The following AK5 variants were observed in gnomAD, a reference collection of about 807,000 sequenced individuals.
AK5 encodes adenylate kinase 5, also known as adenylate kinase isoenzyme 5.
AK5 carries 27 observed loss-of-function variants against 69.5 expected under a neutral mutation model. The observed-to-expected ratio is 0.39, with a 90% CI of 0.29 to 0.54. The LOEUF (loss-of-function observed/expected upper bound fraction) is 0.54. AK5 is among the 20% of genes least tolerant of loss of function. The pLI, the probability that AK5 is intolerant of heterozygous loss-of-function variation, is 0.71. For synonymous variants in AK5, 260 were observed against 244.4 expected (o/e 1.06, Z -0.60); for missense variants, 531 against 700.4 (o/e 0.76, Z 2.73).
At chr1:77,282,667 G>A (rs1315409602) in intron 1 of AK5, 4 of 1,167,282 alleles carry the variant, frequency 3.4e-6, no homozygotes, top group Non-Finnish European at 4.2e-6. Context: ...GACACCCAGG[G>A]TGGGCTGCAG....
At position 77,559,319 on chromosome 1, in the gene AK5, C is replaced by T. The variant is rs1557675188; in HGVS notation, c.*649C>T. The T allele has an allele frequency of 6.6e-6, 1 of 151,858 alleles. No individual in the cohort carries two copies. Among genetic ancestry groups the T allele is most frequent in the East Asian group, 1.9e-4 (1 of 5,206 alleles). The allele number at this position is 151,858 out of a possible 1,614,324, so 9.4% of individuals were successfully genotyped here. A position where few individuals can be genotyped will look rare whatever the true frequency, so the allele number is the denominator to read the frequency against. ...TAAAACCCAGGTTAGTCATCAGTAA[C>T]CTTCTCTATTATTATTATTTTTTAG... On this transcript the variant is annotated 3_prime_UTR_variant, in exon 14 of 14. Transcript: ENST00000354567.
At chr1:77,545,332 G>C (rs924861168) in intron 13 of AK5, among the ~76,000 whole-genome samples, 2 of 151,972 alleles carry the variant, frequency 1.3e-5, no homozygotes, top group Admixed American at 1.3e-4. Context: ...CACAACCATG[G>C]TGGGGGAGGG....
Position 77,427,293 on chromosome 1 carries a change from A to T in AK5, c.1059+9578A>T, listed in dbSNP as rs1394751310. ...AGGAAAAAATAGAGAAACACAAATTATTATCAGAAATAGAAGATGGGAAAT... is the reference window on the plus strand; with the variant it reads ...AGGAAAAAATAGAGAAACACAAATTTTTATCAGAAATAGAAGATGGGAAAT... On this transcript the variant is annotated intron_variant, in intron 8 of 13. Transcript: ENST00000354567. Among the ~76,000 whole-genome samples the T allele has an allele frequency of 2.0e-5, 3 of 152,118 alleles. No homozygotes were observed. In the East Asian group the frequency reaches 5.8e-4, roughly 29 times the overall value.
intron 12 of AK5, among the ~76,000 whole-genome samples, chr1:77,530,732 C>G (rs1658528005): frequency 1.3e-5 from 2 of 152,092 alleles, no homozygotes; most frequent in Admixed American, 1.3e-4. Flanking sequence ...AATGAGGAAA[C>G]TGAGGCATAC....
At chr1:77,387,157 T>C (rs1036516947) in intron 6 of AK5, among the ~76,000 whole-genome samples, 2 of 152,210 alleles carry the variant, frequency 1.3e-5, no homozygotes, top group Non-Finnish European at 1.5e-5. Flanking sequence ...CTGAATGTTT[T>C]TGAGCAAGAT....
At chr1:77,376,433 CAAAAAAAAAAAAAAAAACA>C (rs1647244333) in intron 6 of AK5, among the ~76,000 whole-genome samples, 1 of 13,434 alleles carries the variant, frequency 7.4e-5, no homozygotes, top group Admixed American at 1.2e-3. Context: ...CACTCAATGC[CAAAAAAAAAAAAAAAAACA>C]AAAAAAAAAA....
At chr1:77,399,001 AT>A (rs1219054174) in intron 6 of AK5, among the ~76,000 whole-genome samples, 7 of 152,274 alleles carry the variant, frequency 4.6e-5, no homozygotes, top group Non-Finnish European at 1.0e-4. Flanking sequence ...GCAACTTTTG[AT>A]TGAGAAGCAA....
chr1:77,493,987 G>T (rs923980995), intron 10 of AK5, among the ~76,000 whole-genome samples: 1 of 152,100 alleles, frequency 6.6e-6, no homozygotes, highest in South Asian at 2.1e-4. Context: ...CTTTATCAAG[G>T]GCTTATTATG....
At chr1:77,291,736 A>AC (rs1381740493) in intron 2 of AK5, among the ~76,000 whole-genome samples, 1 of 152,184 alleles carries the variant, frequency 6.6e-6, no homozygotes, top group African/African-American at 2.4e-5. Flanking sequence ...AGAGCTCCAG[A>AC]CCGTAGGTAA....
At chr1:77,442,723 C>G (rs72681661) in intron 8 of AK5, among the ~76,000 whole-genome samples, 14,333 of 152,132 alleles carry the variant, frequency 0.094, 772 homozygotes, top group South Asian at 0.17. Flanking sequence ...GGGACAAGCG[C>G]TAAGGACTTC....
At chr1:77,502,475 C>T (rs559162572) in intron 10 of AK5, among the ~76,000 whole-genome samples, 3 of 152,234 alleles carry the variant, frequency 2.0e-5, no homozygotes, top group Non-Finnish European at 4.4e-5. Flanking sequence ...AAATGTAGTC[C>T]GTATTTCAGA....
At chr1:77,521,322 T>A (rs1419087477) in intron 11 of AK5, among the ~76,000 whole-genome samples, 2 of 152,032 alleles carry the variant, frequency 1.3e-5, no homozygotes, top group African/African-American at 2.4e-5. Context: ...TTAATAGAGA[T>A]GGGGTTTCAC....
intron 1 of AK5, chr1:77,283,137 G>A: frequency 1.0e-6 from 1 of 985,826 alleles, no homozygotes; most frequent in Non-Finnish European, 1.2e-6. Context: ...CGGGAATGGG[G>A]GGACACTTGG....
chr1:77,558,794 T>TGACA lies in AK5; in HGVS notation c.*126_*129dup, dbSNP rs759763847. The TGACA allele has an allele frequency of 5.8e-5, 40 of 683,960 alleles. No individual in the cohort carries two copies. The highest frequency in any genetic ancestry group is 2.4e-4 in the Middle Eastern group (1 of 4,088). 42.4% of individuals were successfully genotyped at this position (683,960 alleles called of 1,614,324 possible). On this transcript the variant is annotated 3_prime_UTR_variant, in exon 14 of 14. Coordinates refer to ENST00000354567, the MANE Select transcript of AK5 (RefSeq NM_174858.3). ...CCACCAACCACCACCTCCTAAATCCTGACAGCACTGTTTGCTTCCCAGCTA... is the reference window on the plus strand; with the variant it reads ...CCACCAACCACCACCTCCTAAATCCTGACAGACAGCACTGTTTGCTTCCCAGCTA...
chr1:77,305,359 C>A (rs1570347937), intron 5 of AK5, among the ~76,000 whole-genome samples: 1 of 152,112 alleles, frequency 6.6e-6, no homozygotes, highest in African/African-American at 2.4e-5. Flanking sequence ...ATTTGTCCAT[C>A]TTTTCTTTGG....
At chr1:77,482,607 T>C (rs1038153637) in intron 8 of AK5, among the ~76,000 whole-genome samples, 1 of 152,108 alleles carries the variant, frequency 6.6e-6, no homozygotes, top group African/African-American at 2.4e-5. Context: ...ACTCTGTCTC[T>C]ACTAAAAATA....
At chr1:77,436,109 C>T (rs559976232) in intron 8 of AK5, among the ~76,000 whole-genome samples, 1 of 152,264 alleles carries the variant, frequency 6.6e-6, no homozygotes, top group South Asian at 2.1e-4. Context: ...GCCAAAAATA[C>T]ATCTTCACAC....
At chr1:77,498,526 G>A (rs1656497625) in intron 10 of AK5, among the ~76,000 whole-genome samples, 1 of 152,218 alleles carries the variant, frequency 6.6e-6, no homozygotes, top group African/African-American at 2.4e-5. Context: ...GTACAGCTGT[G>A]TGACCTTGGG....
chr1:77,396,612 C>A (rs76321710), intron 6 of AK5, among the ~76,000 whole-genome samples: 12,869 of 152,156 alleles, frequency 0.085, 732 homozygotes, highest in South Asian at 0.17. Flanking sequence ...GTTGTTTAAA[C>A]GGCTCTGAAT....
Sources: gnomAD v4.1 joint callset for allele counts (sites outside exome capture counted in the v4.1 genomes callset) on GRCh38, gnomAD v4.1.1 for gene constraint, MANE v1.5 for transcripts, NCBI Gene and HGNC (gene_info 2026-07-23, HGNC 2026-07-21) for gene names.